CALN1: variants seen among roughly 807,000 people sequenced by gnomAD.
CALN1 encodes calneuron 1, also known as calcium-binding protein 8.
CALN1 carries 17 observed loss-of-function variants against 30.6 expected under a neutral mutation model. That is an observed-to-expected ratio of 0.56 (90% confidence interval 0.38 to 0.83). The LOEUF (loss-of-function observed/expected upper bound fraction) is 0.83, where lower values mean the gene tolerates loss of function less well. Among genes scored for constraint, CALN1 ranks in the 40% least tolerant of loss-of-function variants. CALN1 has a pLI of 0.00. For synonymous variants in CALN1, 156 were observed against 131.4 expected (o/e 1.19, Z -1.28); for missense variants, 291 against 354.9 (o/e 0.82, Z 1.45).
rs575882088 is a variant in CALN1, at chr7:72,131,559, A to T, written c.245-25265T>A. Among the ~76,000 whole-genome samples, 8 of 152,280 alleles carry T rather than the reference A, an allele frequency of 5.3e-5. No individual in the cohort carries two copies. The East Asian group carries it at 1.2e-3, about 22-fold the overall frequency. Reference sequence around the variant, plus strand: ...ATTCAATACCCGAACTGATTCTCTAACAGCTTTACCTCCACTCCATTCAAG... The same window carrying T: ...ATTCAATACCCGAACTGATTCTCTATCAGCTTTACCTCCACTCCATTCAAG... On this transcript the variant is annotated intron_variant, in intron 3 of 6. Transcript: ENST00000395275.
upstream of CALN1, among the ~76,000 whole-genome samples, chr7:72,416,682 C>G (rs1807429307): frequency 7.3e-6 from 1 of 137,354 alleles, no homozygotes. Context: ...TTGCAGTGAG[C>G]CGAGATCGCG....
intron 5 of CALN1, among the ~76,000 whole-genome samples, chr7:71,988,303 C>T (rs1040601229): frequency 6.6e-6 from 1 of 152,308 alleles, no homozygotes; most frequent in Non-Finnish European, 1.5e-5. Context: ...TAAGGGGCAT[C>T]TGGCACTCAG....
At chr7:71,923,001 C>CACTATACTATACTATTCTAT (rs1562903728) in intron 5 of CALN1, among the ~76,000 whole-genome samples, 28 of 145,672 alleles carry the variant, frequency 1.9e-4, no homozygotes, top group African/African-American at 6.9e-4. Flanking sequence ...TATCTAACTA[C>CACTATACTATACTATTCTAT]ACTATACTAT....
intron 5 of CALN1, among the ~76,000 whole-genome samples, chr7:71,988,863 C>T (rs1215498713): frequency 2.0e-5 from 3 of 152,122 alleles, no homozygotes; most frequent in Non-Finnish European, 2.9e-5. Context: ...TCATTTCATC[C>T]TCACAATGAC....
intron 4 of CALN1, among the ~76,000 whole-genome samples, chr7:72,024,400 C>G (rs1030502235): frequency 6.6e-6 from 1 of 152,030 alleles, no homozygotes; most frequent in African/African-American, 2.4e-5. Context: ...TTGAACAGCA[C>G]TTTTTTTGTT....
chr7:71,914,871 G>A (rs1015305746), intron 5 of CALN1, among the ~76,000 whole-genome samples: 3 of 152,076 alleles, frequency 2.0e-5, no homozygotes, highest in Non-Finnish European at 2.9e-5. Flanking sequence ...TGTTCATGTC[G>A]TTTGCCCACT....
At chr7:72,150,061 G>A (rs1372352983) in intron 3 of CALN1, among the ~76,000 whole-genome samples, 1 of 150,426 alleles carries the variant, frequency 6.6e-6, no homozygotes, top group Admixed American at 6.7e-5. Context: ...GAGGCAAGAG[G>A]TTGCAATGAG....
chr7:72,410,441 G>A (rs1454562250), intron 1 of CALN1, among the ~76,000 whole-genome samples: 1 of 152,208 alleles, frequency 6.6e-6, no homozygotes, highest in Non-Finnish European at 1.5e-5. Flanking sequence ...TCTACATGAT[G>A]TAAAATCAAA....
chr7:72,344,360 T>A (rs1317446887), intron 2 of CALN1, among the ~76,000 whole-genome samples: 1 of 151,980 alleles, frequency 6.6e-6, no homozygotes, highest in Non-Finnish European at 1.5e-5. Context: ...ACCAGAAAAA[T>A]TAAATTTACT....
At chr7:72,459,993 C>T in the CALN1 span, among the ~76,000 whole-genome samples, 6 of 152,142 alleles carry the variant, frequency 3.9e-5, no homozygotes, top group East Asian at 5.8e-4. Context: ...ATGGAGCCAA[C>T]GTCTGCATCT....
At chr7:72,200,224 T>C (rs1015793588) in intron 3 of CALN1, among the ~76,000 whole-genome samples, 3 of 152,064 alleles carry the variant, frequency 2.0e-5, no homozygotes, top group African/African-American at 7.2e-5. Context: ...GGTGACATGA[T>C]GGTGAAGAGC....
intron 5 of CALN1, among the ~76,000 whole-genome samples, chr7:71,979,678 AC>A (rs1798289844): frequency 6.6e-6 from 1 of 151,674 alleles, no homozygotes; most frequent in Admixed American, 6.6e-5. Context: ...GGGGTTGGGG[AC>A]CCCTGCTCTA....
intron 3 of CALN1, among the ~76,000 whole-genome samples, chr7:72,266,973 A>G (rs910018743): frequency 6.6e-6 from 1 of 152,222 alleles, no homozygotes; most frequent in Non-Finnish European, 1.5e-5. Flanking sequence ...TTCCCAGCTC[A>G]GGGCAGAGCT....
At chr7:72,155,134 T>C (rs1287171726) in intron 3 of CALN1, among the ~76,000 whole-genome samples, 2 of 152,150 alleles carry the variant, frequency 1.3e-5, no homozygotes, top group African/African-American at 2.4e-5. Context: ...TCTCCCTGCA[T>C]GCCCAGAGGG....
chr7:72,110,419 T>C (rs1268568991), intron 3 of CALN1, among the ~76,000 whole-genome samples: 1 of 152,232 alleles, frequency 6.6e-6, no homozygotes, highest in Non-Finnish European at 1.5e-5. Context: ...TGAATGCCTG[T>C]GGCTTACTCT....
chr7:72,204,754 A>G (rs1791704984), intron 3 of CALN1, among the ~76,000 whole-genome samples: 1 of 152,220 alleles, frequency 6.6e-6, no homozygotes, highest in African/African-American at 2.4e-5. Context: ...CATGGTAAAC[A>G]GCATATATTT....
the CALN1 span, among the ~76,000 whole-genome samples, chr7:72,478,327 TATATATTTATATA>T: frequency 6.8e-6 from 1 of 147,574 alleles, no homozygotes; most frequent in Non-Finnish European, 1.5e-5. Flanking sequence ...ATATTTATAT[TATATATTTATATA>T]ATATATAAAT....
At chr7:72,070,825 TG>T (rs1404503250) in intron 4 of CALN1, among the ~76,000 whole-genome samples, 1 of 152,194 alleles carries the variant, frequency 6.6e-6, no homozygotes, top group African/African-American at 2.4e-5. Flanking sequence ...TCTCCTCCCC[TG>T]TCTATAATTC....
intron 4 of CALN1, among the ~76,000 whole-genome samples, chr7:72,071,059 T>C (rs1804358003): frequency 6.6e-6 from 1 of 152,220 alleles, no homozygotes; most frequent in Admixed American, 6.5e-5. Flanking sequence ...TTCCAGGCTA[T>C]TGAAGGCTTG....
Sources: gnomAD v4.1 joint callset for allele counts (sites outside exome capture counted in the v4.1 genomes callset) on GRCh38, gnomAD v4.1.1 for gene constraint, MANE v1.5 for transcripts, NCBI Gene and HGNC (gene_info 2026-07-23, HGNC 2026-07-21) for gene names.